SBF2: variants seen among roughly 807,000 people sequenced by gnomAD.
The protein encoded by SBF2 is SET binding factor 2.
In SBF2, 112 loss-of-function variants were observed where a neutral mutation model predicts 225.2. The observed-to-expected ratio is 0.50, with a 90% CI of 0.43 to 0.58. The LOEUF (loss-of-function observed/expected upper bound fraction) is 0.58. SBF2 is among the 20% of genes least tolerant of loss of function. SBF2 has a pLI of 0.00. For synonymous variants in SBF2, 763 were observed against 773.3 expected (o/e 0.99, Z 0.22); for missense variants, 1,996 against 2,206.2 (o/e 0.90, Z 1.91).
chr11:10,215,622 C>CA (rs1300011009), intron 1 of SBF2, among the ~76,000 whole-genome samples: 2 of 151,712 alleles, frequency 1.3e-5, no homozygotes, highest in South Asian at 2.1e-4. Flanking sequence ...GACCTTGGCT[C>CA]AAAAAAACAA....
At chr11:9,916,355 G>A (rs1448630002) in intron 16 of SBF2, among the ~76,000 whole-genome samples, 1 of 152,094 alleles carries the variant, frequency 6.6e-6, no homozygotes, top group Non-Finnish European at 1.5e-5. Flanking sequence ...TTTTAAGAAT[G>A]TAATTGTTCC....
chr11:9,956,875 C>G (rs1866208306), intron 16 of SBF2: 1 of 152,080 alleles, frequency 6.6e-6, no homozygotes, highest in Non-Finnish European at 1.5e-5. Flanking sequence ...CATTGGGATA[C>G]AAAATTTCAA....
chr11:10,077,469 A>G (rs1481287421), intron 2 of SBF2, among the ~76,000 whole-genome samples: 2 of 150,810 alleles, frequency 1.3e-5, no homozygotes, highest in African/African-American at 4.8e-5. Flanking sequence ...ACACCAATGG[A>G]ATAACAAACA....
chr11:9,851,615 A>G (rs1179171658), intron 21 of SBF2, among the ~76,000 whole-genome samples: 2 of 152,200 alleles, frequency 1.3e-5, no homozygotes, highest in Non-Finnish European at 2.9e-5. Flanking sequence ...AGCAATAAAA[A>G]CTAATCAGCA....
In SBF2 at chr11:9,812,720, G is replaced by C; in HGVS notation, c.3979-12C>G. On this transcript the variant is annotated splice_polypyrimidine_tract_variant and intron_variant, in intron 29 of 39. Coordinates refer to ENST00000256190, the MANE Select transcript of SBF2 (RefSeq NM_030962.4). ...TCTACCTTGAAGTTCTGCGGATGAA[G>C]ATTCAGAGAATTAGGCAGATGAAGT... 1 of 1,613,672 alleles carries C rather than the reference G, an allele frequency of 6.2e-7. No individual in the cohort carries two copies. The highest frequency in any genetic ancestry group is 8.5e-7 in the Non-Finnish European group (1 of 1,179,714).
intron 1 of SBF2, among the ~76,000 whole-genome samples, chr11:10,229,102 G>A (rs1373731483): frequency 5.3e-5 from 8 of 152,220 alleles, no homozygotes; most frequent in Non-Finnish European, 1.2e-4. Context: ...GTTTATTTGT[G>A]TAGAGGTGTT....
chr11:10,209,201 A>C (rs887824273), intron 1 of SBF2, among the ~76,000 whole-genome samples: 1 of 152,126 alleles, frequency 6.6e-6, no homozygotes, highest in Non-Finnish European at 1.5e-5. Context: ...TGTGCCTTCA[A>C]AATCAAGTAG....
rs1478321308 is a variant in SBF2 at position 9,842,716 on chromosome 11, A to G, written c.3165T>C (p.Ile1055=). ...KGAKRAGKMT[I]GRQYLLKKKT... is the part of the protein sequence containing the mutation. ...TCTTCTTCAGTAAATATTGCCGCCC[A>G]ATTGTCATTTTCCCTGCCCTTTTGG... Residue 1055 remains isoleucine, a synonymous_variant, in exon 25 of 40, where the codon ATT becomes ATC. Transcript: ENST00000256190. The G allele has an allele frequency of 8.1e-6, 13 of 1,614,044 alleles. No homozygotes were observed. Among genetic ancestry groups the G allele is most frequent in the Non-Finnish European group, 1.1e-5 (13 of 1,180,020 alleles).
chr11:9,923,549 G>GT (rs1197036827), intron 16 of SBF2, among the ~76,000 whole-genome samples: 8 of 152,292 alleles, frequency 5.3e-5, no homozygotes, highest in African/African-American at 1.9e-4. Flanking sequence ...AGTTGTTTGA[G>GT]TAAGCAACCT....
chr11:10,145,424 A>G (rs1954839581), intron 2 of SBF2, among the ~76,000 whole-genome samples: 1 of 152,140 alleles, frequency 6.6e-6, no homozygotes, highest in African/African-American at 2.4e-5. Context: ...CTTTTGTTCC[A>G]ATCAGTTATG....
chr11:10,144,705 T>C (rs1039536160), intron 2 of SBF2, among the ~76,000 whole-genome samples: 11 of 152,198 alleles, frequency 7.2e-5, no homozygotes, highest in Non-Finnish European at 1.2e-4. Flanking sequence ...GAAAGTTCCA[T>C]AGTCATTTTC....
intron 16 of SBF2, among the ~76,000 whole-genome samples, chr11:9,944,456 G>T (rs1239219376): frequency 6.6e-6 from 1 of 152,112 alleles, no homozygotes; most frequent in African/African-American, 2.4e-5. Flanking sequence ...ATGCAGAATG[G>T]GTAGTGATTA....
At chr11:9,925,927 C>T (rs1483621375) in intron 16 of SBF2, among the ~76,000 whole-genome samples, 3 of 151,820 alleles carry the variant, frequency 2.0e-5, no homozygotes, top group Admixed American at 6.6e-5. Flanking sequence ...ATGTCAGTCT[C>T]CCCAGGCTAA....
intron 2 of SBF2, among the ~76,000 whole-genome samples, chr11:10,174,725 T>C (rs1956376343): frequency 6.6e-6 from 1 of 151,798 alleles, no homozygotes; most frequent in African/African-American, 2.4e-5. Flanking sequence ...TCACCAAAGT[T>C]GAAATGAAGG....
intron 1 of SBF2, among the ~76,000 whole-genome samples, chr11:10,217,745 G>A (rs1958182034): frequency 2.0e-5 from 3 of 152,172 alleles, no homozygotes; most frequent in South Asian, 4.2e-4. Context: ...TGAAGGAAAG[G>A]ATAACCTCTG....
At chr11:10,179,046 G>A (rs1472686516) in intron 2 of SBF2, among the ~76,000 whole-genome samples, 1 of 146,908 alleles carries the variant, frequency 6.8e-6, no homozygotes, top group Admixed American at 6.9e-5. Context: ...CCTTTGTAGG[G>A]ACATGGATGA....
intron 2 of SBF2, among the ~76,000 whole-genome samples, chr11:10,157,306 A>G (rs1955524437): frequency 6.6e-6 from 1 of 152,220 alleles, no homozygotes; most frequent in African/African-American, 2.4e-5. Flanking sequence ...ACTCCAAACC[A>G]TAAAAACTCT....
intron 1 of SBF2, among the ~76,000 whole-genome samples, chr11:10,215,123 G>A (rs1182953266): frequency 2.0e-5 from 3 of 152,152 alleles, no homozygotes; most frequent in Non-Finnish European, 4.4e-5. Flanking sequence ...TACTAGCTCA[G>A]AGCCATTCTA....
chr11:9,895,675 C>T lies in SBF2; in HGVS notation c.1929+268G>A, dbSNP rs7936793. Among the ~76,000 whole-genome samples the T allele has an allele frequency of 0.59, 90,147 of 151,852 alleles. 27,143 individuals carry two copies. The highest frequency in any genetic ancestry group is 0.66 in the African/African-American group (27,137 of 41,382). ...AAAAACATGTAAACAAACCAATATG[C>T]AACATAAATTCAGGTGTTATGAAGT... is the stretch of plus-strand genomic sequence containing the variant. On this transcript the variant is annotated intron_variant, in intron 17 of 39. Transcript: ENST00000256190.
Sources: gnomAD v4.1 joint callset for allele counts (sites outside exome capture counted in the v4.1 genomes callset) on GRCh38, gnomAD v4.1.1 for gene constraint, MANE v1.5 for transcripts, NCBI Gene and HGNC (gene_info 2026-07-23, HGNC 2026-07-21) for gene names.